Variants in MBD5 observed in about 807,000 individuals in gnomAD.
MBD5 encodes the protein methyl-CpG-binding domain protein 5.
Under a neutral mutation model 117.3 loss-of-function variants are expected in MBD5, and 13 were observed. The observed-to-expected ratio is 0.11, with a 90% CI of 0.07 to 0.18. MBD5 has a LOEUF of 0.18. Ranked by LOEUF, MBD5 falls within the 10% of genes least tolerant of loss-of-function variation. The pLI is 1.00. For missense variants in MBD5, 1,879 were observed against 2,093.8 expected (o/e 0.90, Z 2.00); for synonymous variants, 727 against 766.4 (o/e 0.95, Z 0.85).
intron 1 of MBD5, among the ~76,000 whole-genome samples, chr2:148,107,913 G>A (rs1026158642): frequency 2.0e-5 from 3 of 152,038 alleles, no homozygotes; most frequent in Non-Finnish European, 4.4e-5. Context: ...GTTTCTGTTA[G>A]ATGCCTGAGA....
Position 148,159,380 on chromosome 2 carries a change from C to T in MBD5, c.-924-19320C>T, listed in dbSNP as rs12053573. Among the ~76,000 whole-genome samples the T allele has an allele frequency of 6.9e-3, 1,048 of 152,154 alleles. 53 individuals carry two copies. In the East Asian group the frequency reaches 0.14, roughly 20 times the overall value. On this transcript the variant is annotated intron_variant, in intron 1 of 13. Transcript: ENST00000642680. ...TCTCCCAGGCTGGAGTGCAGTGGTA[C>T]GATTGGCTCACTACAACCTCCACCT...
At chr2:148,105,464 C>T (rs2105321899) in intron 1 of MBD5, among the ~76,000 whole-genome samples, 1 of 152,188 alleles carries the variant, frequency 6.6e-6, no homozygotes, top group African/African-American at 2.4e-5. Flanking sequence ...AGTAATCTGC[C>T]CGGATCGGCC....
At chr2:148,221,579 C>T (rs10153599) in intron 2 of MBD5, among the ~76,000 whole-genome samples, 147,188 of 152,264 alleles carry the variant, frequency 0.97, 71,323 homozygotes, top group East Asian at 1. Context: ...GAAATGTTTA[C>T]TCAAATCTTT....
intron 1 of MBD5, among the ~76,000 whole-genome samples, chr2:148,069,511 A>G (rs1422203393): frequency 6.6e-6 from 1 of 152,020 alleles, no homozygotes; most frequent in Non-Finnish European, 1.5e-5. Flanking sequence ...TAGATTTAAC[A>G]TTTATATTAA....
intron 8 of MBD5, among the ~76,000 whole-genome samples, chr2:148,482,374 T>C (rs1426300852): frequency 3.3e-5 from 5 of 152,152 alleles, no homozygotes; most frequent in African/African-American, 1.2e-4. Flanking sequence ...AAAATGGTTC[T>C]GTAGCTATAT....
intron 7 of MBD5, among the ~76,000 whole-genome samples, chr2:148,464,408 A>C (rs1460738988): frequency 6.6e-6 from 1 of 152,106 alleles, no homozygotes; most frequent in Non-Finnish European, 1.5e-5. Context: ...AATATTTCAA[A>C]GCTGCAGAAA....
chr2:148,226,729 G>A (rs1164816819), intron 2 of MBD5, among the ~76,000 whole-genome samples: 30 of 152,164 alleles, frequency 2.0e-4, no homozygotes, highest in African/African-American at 5.3e-4. Context: ...AGTCCCACCA[G>A]CAGTGTAAAA....
chr2:148,462,600 A>G lies in MBD5; in HGVS notation c.132A>G (p.Leu44=), dbSNP rs780372976. ...TTTACAGTCCCAGTGGGTCTTTGTT[A>G]TCTTGCTTGGAGCAGGTTAAAACAT... ...VLYVSPSGSL[L]SCLEQVKTYL... The change falls in exon 6 of 14, where the codon TTA becomes TTG. Residue 44 remains leucine (L), a synonymous_variant. Transcript: ENST00000642680. 3 of 1,610,420 alleles carry G rather than the reference A, an allele frequency of 1.9e-6. No individual in the cohort carries two copies. The highest frequency in any genetic ancestry group is 2.2e-5 in the South Asian group (2 of 91,014).
At chr2:148,176,368 T>G (rs1698388015) in intron 1 of MBD5, among the ~76,000 whole-genome samples, 1 of 150,878 alleles carries the variant, frequency 6.6e-6, no homozygotes, top group Non-Finnish European at 1.5e-5. Flanking sequence ...ATATTTTTAT[T>G]GCAAAGTATT....
intron 4 of MBD5, among the ~76,000 whole-genome samples, chr2:148,455,046 G>A (rs1706842226): frequency 6.6e-6 from 1 of 152,064 alleles, no homozygotes; most frequent in South Asian, 2.1e-4. Flanking sequence ...GAGTTTCATA[G>A]TGTTTTTGTA....
At chr2:148,237,433 T>A (rs1700113292) in intron 3 of MBD5, among the ~76,000 whole-genome samples, 2 of 152,210 alleles carry the variant, frequency 1.3e-5, no homozygotes, top group South Asian at 4.1e-4. Context: ...TTACTTAGCC[T>A]AATTACAATA....
intron 2 of MBD5, among the ~76,000 whole-genome samples, chr2:148,231,631 G>A (rs1699989096): frequency 6.6e-6 from 1 of 152,040 alleles, no homozygotes. Context: ...ATCTTGCCCT[G>A]CTTCAAGTTA....
intron 8 of MBD5, among the ~76,000 whole-genome samples, chr2:148,482,525 G>T (rs1219465588): frequency 6.6e-6 from 1 of 151,980 alleles, no homozygotes; most frequent in Admixed American, 6.6e-5. Context: ...GCCTGCATAT[G>T]TATAGACATG....
At chr2:148,036,536 T>G (rs180906820) in intron 1 of MBD5, among the ~76,000 whole-genome samples, 3 of 152,246 alleles carry the variant, frequency 2.0e-5, no homozygotes, top group South Asian at 4.1e-4. Flanking sequence ...TAAAGTTAAG[T>G]ATTGGGCTAG....
chr2:148,187,572 A>G (rs947384367), intron 2 of MBD5, among the ~76,000 whole-genome samples: 2 of 152,226 alleles, frequency 1.3e-5, no homozygotes, highest in South Asian at 2.1e-4. Context: ...AAAAAGGCAC[A>G]TCACAAAATG....
intron 1 of MBD5, chr2:148,044,785 A>G (rs1694468895): frequency 6.6e-6 from 1 of 152,140 alleles, no homozygotes; most frequent in South Asian, 2.1e-4. Context: ...GAGAAACTAC[A>G]TGAAAATACC....
intron 2 of MBD5, among the ~76,000 whole-genome samples, chr2:148,205,888 C>A (rs1283701563): frequency 6.6e-6 from 1 of 152,012 alleles, no homozygotes; most frequent in Non-Finnish European, 1.5e-5. Context: ...AGCCAGTGAT[C>A]CCAGCGACTT....
At chr2:148,192,943 C>T (rs1185462488) in intron 2 of MBD5, among the ~76,000 whole-genome samples, 1 of 68,276 alleles carries the variant, frequency 1.5e-5, no homozygotes, top group African/African-American at 5.3e-5. Flanking sequence ...ACAAAAATCA[C>T]AAGCATTCTT....
intron 1 of MBD5, among the ~76,000 whole-genome samples, chr2:148,033,888 A>T (rs1472196754): frequency 3.3e-5 from 5 of 152,222 alleles, no homozygotes; most frequent in Non-Finnish European, 7.3e-5. Flanking sequence ...TATTTTTAAA[A>T]CATTCCAATT....
Sources: allele counts gnomAD v4.1 joint callset (sites outside exome capture counted in the v4.1 genomes callset), GRCh38; gene constraint gnomAD v4.1.1; transcripts MANE v1.5; gene names NCBI Gene and HGNC (gene_info 2026-07-23, HGNC 2026-07-21).